EIF3M: variants seen among roughly 807,000 people sequenced by gnomAD.
The protein encoded by EIF3M is B5 receptor.
A neutral mutation model predicts 49.7 loss-of-function variants in EIF3M; 25 were observed. That is an observed-to-expected ratio of 0.50 (90% confidence interval 0.37 to 0.70). EIF3M has a LOEUF of 0.70. Ranked by LOEUF, EIF3M falls within the 30% of genes least tolerant of loss-of-function variation. The pLI is 0.00. For missense variants in EIF3M, 350 were observed against 440.0 expected (o/e 0.80, Z 1.83); for synonymous variants, 156 against 149.8 (o/e 1.04, Z -0.30).
chr11:32,594,171 G>A (rs1279006350), intron 6 of EIF3M: 2 of 343,826 alleles, frequency 5.8e-6, no homozygotes, highest in African/African-American at 2.1e-5. Context: ...TTACCTGGCG[G>A]GGGGGGTATT....
At chr11:32,595,798 A>G (rs564610572) in intron 7 of EIF3M, among the ~76,000 whole-genome samples, 168 bp from the exon 8 acceptor site, 1 of 152,368 alleles carries the variant, frequency 6.6e-6, no homozygotes, top group African/African-American at 2.4e-5. Flanking sequence ...AAAGTGAGCC[A>G]TGTGAAAGCA....
intron 5 of EIF3M, 81 bp from the exon 6 acceptor site, chr11:32,593,785 C>A: frequency 1.0e-6 from 1 of 958,436 alleles, no homozygotes; most frequent in Non-Finnish European, 1.5e-6. Context: ...GTCATCAGCA[C>A]AGTACCTGCC....
Position 32,589,099 on chromosome 11 carries a change from T to TG in EIF3M, c.406dup (p.Ala136GlyfsTer8). On this transcript the variant is annotated frameshift_variant, in exon 4 of 11. Coordinates refer to ENST00000531120, the MANE Select transcript of EIF3M (RefSeq NM_006360.6). LOFTEE classifies it high-confidence loss of function. ...GCCTTATTAAAGTGGCAGCATCTTG[T>TG]GGGGCCATCCAGTACATCCCAACTG... is the stretch of plus-strand genomic sequence containing the variant. 1 of 1,614,182 alleles carries TG rather than the reference T, an allele frequency of 6.2e-7. No homozygotes were observed. The highest frequency in any genetic ancestry group is 8.5e-7 in the Non-Finnish European group (1 of 1,180,040).
In EIF3M at chr11:32,602,848, G is replaced by C; in HGVS notation, c.*449G>C. ...GTTGTTTTTTTCCAACGTCTCTTCT[G>C]CTTTTCTTTTCTTTGGCTGGTTGTC... On this transcript the variant is annotated 3_prime_UTR_variant, in exon 11 of 11. Coordinates refer to ENST00000531120, the MANE Select transcript of EIF3M (RefSeq NM_006360.6). The C allele has an allele frequency of 6.2e-7, 1 of 1,608,504 alleles. No homozygotes were observed. Among genetic ancestry groups the C allele is most frequent in the Non-Finnish European group, 8.5e-7 (1 of 1,177,710 alleles).
chr11:32,587,378 G>C (rs1204045783), intron 2 of EIF3M, among the ~76,000 whole-genome samples: 3 of 152,178 alleles, frequency 2.0e-5, no homozygotes, highest in Non-Finnish European at 4.4e-5. Flanking sequence ...TATGCAATGT[G>C]TAATTATCAA....
At chr11:32,589,758 C>G (rs1855071386) in intron 5 of EIF3M, 117 bp downstream of exon 5, 4 of 659,434 alleles carry the variant, frequency 6.1e-6, no homozygotes, top group African/African-American at 5.6e-5. Flanking sequence ...CACAGAGTTG[C>G]TATAAATCTA....
chr11:32,599,159 A>G (rs1023678363), intron 8 of EIF3M, among the ~76,000 whole-genome samples: 2 of 152,108 alleles, frequency 1.3e-5, no homozygotes, highest in Admixed American at 1.3e-4. Flanking sequence ...TTAGGCCAAC[A>G]GTAGCATTAT....
chr11:32,586,689 C>T (rs1855002726), intron 1 of EIF3M, among the ~76,000 whole-genome samples: 2 of 152,190 alleles, frequency 1.3e-5, no homozygotes, highest in South Asian at 4.1e-4. Flanking sequence ...CAACCACACC[C>T]CCACCAAACC....
At position 32,605,366 on chromosome 11, in the gene EIF3M, G is replaced by A. The variant is rs33992831; in HGVS notation, c.*2967G>A. 5 of 151,786 alleles carry A rather than the reference G, an allele frequency of 3.3e-5. No individual in the cohort carries two copies. Among genetic ancestry groups the A allele is most frequent in the African/African-American group, 4.8e-5 (2 of 41,314 alleles). 9.4% of individuals were successfully genotyped at this position (151,786 alleles called of 1,614,324 possible). On this transcript the variant is annotated 3_prime_UTR_variant, in exon 11 of 11. Transcript: ENST00000531120. ...TCTGATTGGCTTTGTTCTTCCAAAA[G>A]TGTCTGCACAGGACTGCTAAGAGAA... is the stretch of plus-strand genomic sequence containing the variant.
chr11:32,601,585 T>C (rs1855266146), intron 9 of EIF3M, 177 bp from the exon 10 acceptor site: 5 of 530,818 alleles, frequency 9.4e-6, no homozygotes, highest in Non-Finnish European at 1.7e-5. Context: ...ATAGGACAAA[T>C]GCATGACCTT....
rs1303298943 is a variant in EIF3M at position 32,584,623 on chromosome 11, A to AG, written c.42+694_42+695insG. Among the ~76,000 whole-genome samples the AG allele has an allele frequency of 4.6e-5, 7 of 151,318 alleles. No homozygotes were observed. In the East Asian group the frequency reaches 1.4e-3, roughly 29 times the overall value. ...AGTCCCTCTCAAAAAAAAAAAAAAA[A>AG]AAAAAGATCAAAACGCCCGTATTAC... On this transcript the variant is annotated intron_variant, in intron 1 of 10. Transcript: ENST00000531120.
At chr11:32,594,698 T>G (rs1176365285) in intron 6 of EIF3M, 6 of 376,066 alleles carry the variant, frequency 1.6e-5, no homozygotes, top group Non-Finnish European at 2.9e-5. Context: ...AGCTATGTTT[T>G]TATCTACAAT....
chr11:32,596,005 G>A lies in EIF3M; in HGVS notation c.757G>A (p.Val253Ile). Residue 253 changes from valine to isoleucine, a missense_variant, in exon 8 of 11, where the codon GTC becomes ATC. Physicochemically the swap from Val to Ile is conservative, Grantham distance 29. Transcript: ENST00000531120. Reference sequence around the variant, plus strand: ...TGTGAGTGCTAAATTGGCATCATATGTCAAGTTTTATCAGAATAATAAAGA... The same window carrying A: ...TGTGAGTGCTAAATTGGCATCATATATCAAGTTTTATCAGAATAATAAAGA... ...IFVSAKLASY[V>I]KFYQNNKDFI... The A allele has an allele frequency of 6.4e-7, 1 of 1,563,708 alleles. No homozygotes were observed. Among genetic ancestry groups the A allele is most frequent in the Non-Finnish European group, 8.6e-7 (1 of 1,164,270 alleles).
At position 32,602,495 on chromosome 11, in the gene EIF3M, T is replaced by G; in HGVS notation, c.*96T>G. ...AAAATTTGCCTAGTCTGGACAGTTA[T>G]TGTCTCAAATTTATACTAAAATCAC... On this transcript the variant is annotated 3_prime_UTR_variant, in exon 11 of 11. Transcript: ENST00000531120. The G allele has an allele frequency of 7.2e-7, 1 of 1,381,024 alleles. No individual in the cohort carries two copies. The highest frequency in any genetic ancestry group is 9.7e-7 in the Non-Finnish European group (1 of 1,034,408). 85.5% of individuals were successfully genotyped at this position (1,381,024 alleles called of 1,614,324 possible).
chr11:32,599,148 C>T (rs990215786), intron 8 of EIF3M, among the ~76,000 whole-genome samples: 1 of 152,056 alleles, frequency 6.6e-6, no homozygotes, highest in Non-Finnish European at 1.5e-5. Context: ...ACACTGACAA[C>T]TTAGGCCAAC....
chr11:32,595,101 A>T, intron 7 of EIF3M, 88 bp downstream of exon 7: 2 of 1,130,802 alleles, frequency 1.8e-6, no homozygotes, highest in South Asian at 2.9e-5. Flanking sequence ...TGCATTAATA[A>T]AAGTGACTAA....
chr11:32,604,095 A>C lies in EIF3M; in HGVS notation c.*1696A>C, dbSNP rs990702447. The C allele has an allele frequency of 6.6e-6, 1 of 152,046 alleles. No homozygotes were observed. Among genetic ancestry groups the C allele is most frequent in the African/African-American group, 2.4e-5 (1 of 41,420 alleles). 9.4% of individuals were successfully genotyped at this position (152,046 alleles called of 1,614,324 possible). On this transcript the variant is annotated 3_prime_UTR_variant, in exon 11 of 11. Transcript: ENST00000531120. ...AATAAATAATAGATAAAACAAAAGGAATACTGAATTGTTTTCAAAATAACA... is the reference window on the plus strand; with the variant it reads ...AATAAATAATAGATAAAACAAAAGGCATACTGAATTGTTTTCAAAATAACA...
intron 8 of EIF3M, among the ~76,000 whole-genome samples, chr11:32,597,373 C>G (rs1855196934): frequency 6.6e-6 from 1 of 151,836 alleles, no homozygotes; most frequent in African/African-American, 2.4e-5. Flanking sequence ...TGGATACCCC[C>G]GCCATTAACA....
chr11:32,584,607 CAA>C (rs796738414), intron 1 of EIF3M, among the ~76,000 whole-genome samples: 1,635 of 62,256 alleles, frequency 0.026, 45 homozygotes, highest in African/African-American at 0.092. Flanking sequence ...GAGTCCCTCT[CAA>C]AAAAAAAAAA....
Sources: allele counts gnomAD v4.1 joint callset (sites outside exome capture counted in the v4.1 genomes callset), GRCh38; gene constraint gnomAD v4.1.1; transcripts MANE v1.5; gene names NCBI Gene and HGNC (gene_info 2026-07-23, HGNC 2026-07-21).